PRR16: variants seen among roughly 807,000 people sequenced by gnomAD.
PRR16 encodes protein Largen.
PRR16 carries 6 observed loss-of-function variants against 18.2 expected under a neutral mutation model. The ratio of observed to expected loss-of-function variants is 0.33; its 90% CI spans 0.18 to 0.65. PRR16 has a LOEUF of 0.65. PRR16 is among the 30% of genes least tolerant of loss of function. The pLI, the probability that PRR16 is intolerant of heterozygous loss-of-function variation, is 0.74. For missense variants in PRR16, 412 were observed against 376.6 expected (o/e 1.09, Z -0.78); for synonymous variants, 151 against 147.8 (o/e 1.02, Z -0.16).
chr5:120,688,128 A>G (rs189818091), downstream of PRR16, among the ~76,000 whole-genome samples: 1 of 152,322 alleles, frequency 6.6e-6, no homozygotes, highest in African/African-American at 2.4e-5. Flanking sequence ...GATAGCCTTC[A>G]ATCGTATTTC....
chr5:120,725,302 G>GTT, the PRR16 span, among the ~76,000 whole-genome samples: 26 of 136,130 alleles, frequency 1.9e-4, no homozygotes, highest in South Asian at 1.2e-3. Context: ...ATTTGATGTT[G>GTT]TTTTTTTTTT....
chr5:120,673,702 A>T (rs1756693444), intron 1 of PRR16, among the ~76,000 whole-genome samples: 1 of 152,072 alleles, frequency 6.6e-6, no homozygotes, highest in Admixed American at 6.6e-5. Context: ...ACTTTGGGAG[A>T]ATGAGGTGGG....
chr5:120,704,071 C>T, the PRR16 span, among the ~76,000 whole-genome samples: 1 of 152,100 alleles, frequency 6.6e-6, no homozygotes, highest in Admixed American at 6.5e-5. Context: ...AAAATTCAAA[C>T]ACAGAAGTTA....
At chr5:120,483,119 G>A (rs757410262) in intron 1 of PRR16, among the ~76,000 whole-genome samples, 9 of 152,108 alleles carry the variant, frequency 5.9e-5, no homozygotes, top group Non-Finnish European at 1.3e-4. Flanking sequence ...GCAAGTTGGC[G>A]AGGAGCTCTA....
intron 1 of PRR16, among the ~76,000 whole-genome samples, chr5:120,521,219 A>T (rs1237846961): frequency 6.6e-6 from 1 of 152,156 alleles, no homozygotes; most frequent in Non-Finnish European, 1.5e-5. Context: ...GGCTCGGGAC[A>T]AGATGAGTCC....
the PRR16 span, among the ~76,000 whole-genome samples, chr5:120,754,543 TTATA>T: frequency 2.2e-5 from 2 of 89,396 alleles, no homozygotes; most frequent in Non-Finnish European, 3.9e-5. Context: ...TTATATGTAA[TTATA>T]TATAATATAT....
intron 1 of PRR16, among the ~76,000 whole-genome samples, chr5:120,582,676 G>A (rs928652634): frequency 6.6e-6 from 1 of 151,738 alleles, no homozygotes; most frequent in African/African-American, 2.4e-5. Flanking sequence ...TTTTCTGAAC[G>A]ATTTTTTAAA....
the PRR16 span, among the ~76,000 whole-genome samples, chr5:120,733,422 C>G: frequency 1.3e-5 from 2 of 152,186 alleles, no homozygotes; most frequent in African/African-American, 4.8e-5. Context: ...ATTGTGTATT[C>G]TTTTGTTATA....
chr5:120,559,852 C>T (rs1247570354), intron 1 of PRR16, among the ~76,000 whole-genome samples: 1 of 151,628 alleles, frequency 6.6e-6, no homozygotes, highest in Non-Finnish European at 1.5e-5. Flanking sequence ...TTATAGTTTT[C>T]CTTGTAGAGA....
At chr5:120,490,773 T>A (rs770451886) in intron 1 of PRR16, among the ~76,000 whole-genome samples, 1 of 152,022 alleles carries the variant, frequency 6.6e-6, no homozygotes, top group African/African-American at 2.4e-5. Flanking sequence ...TTTTTCCCCA[T>A]CTTTGTGCTT....
intron 1 of PRR16, among the ~76,000 whole-genome samples, chr5:120,505,005 C>G (rs113197296): frequency 6.6e-6 from 1 of 152,088 alleles, no homozygotes; most frequent in African/African-American, 2.4e-5. Flanking sequence ...GTTCTTCAGG[C>G]TGTTATTTGT....
chr5:120,694,663 C>T, the PRR16 span, among the ~76,000 whole-genome samples: 1 of 140,904 alleles, frequency 7.1e-6, no homozygotes, highest in African/African-American at 2.6e-5. Flanking sequence ...CCAGCCTGGG[C>T]GACAGCGAGA....
chr5:120,489,479 GC>G (rs1462512132), intron 1 of PRR16, among the ~76,000 whole-genome samples: 1 of 152,086 alleles, frequency 6.6e-6, no homozygotes, highest in East Asian at 1.9e-4. Flanking sequence ...TGCAGCCCCT[GC>G]CTTTTTTTGT....
chr5:120,659,123 T>C (rs1756089133), intron 1 of PRR16, among the ~76,000 whole-genome samples: 1 of 152,022 alleles, frequency 6.6e-6, no homozygotes, highest in Non-Finnish European at 1.5e-5. Flanking sequence ...TCATTGGATG[T>C]ACACAATTAT....
chr5:120,780,428 A>G, the PRR16 span, among the ~76,000 whole-genome samples: 1 of 152,168 alleles, frequency 6.6e-6, no homozygotes, highest in African/African-American at 2.4e-5. Context: ...ATTTGTGCCC[A>G]TAACAGGCAG....
intron 1 of PRR16, among the ~76,000 whole-genome samples, chr5:120,556,666 C>A (rs75486028): frequency 0.032 from 4,833 of 151,844 alleles, 96 homozygotes; most frequent in Non-Finnish European, 0.044. Context: ...TGTTTTTATT[C>A]AATTCAGGTA....
At chr5:120,616,901 A>C (rs1754528492) in intron 1 of PRR16, among the ~76,000 whole-genome samples, 1 of 152,230 alleles carries the variant, frequency 6.6e-6, no homozygotes, top group South Asian at 2.1e-4. Context: ...TTTCACATGC[A>C]CTTCCTTCCT....
At chr5:120,723,975 A>G in the PRR16 span, among the ~76,000 whole-genome samples, 1 of 147,800 alleles carries the variant, frequency 6.8e-6, no homozygotes, top group South Asian at 2.2e-4. Flanking sequence ...TATGGCATTA[A>G]AAAAAAAACA....
the PRR16 span, among the ~76,000 whole-genome samples, chr5:120,745,919 G>T: frequency 6.8e-6 from 1 of 146,096 alleles, no homozygotes; most frequent in Non-Finnish European, 1.5e-5. Flanking sequence ...TAGCCAGGCT[G>T]TGAAACTGTC....
Sources: allele counts gnomAD v4.1 joint callset (sites outside exome capture counted in the v4.1 genomes callset), GRCh38; gene constraint gnomAD v4.1.1; transcripts MANE v1.5; gene names NCBI Gene and HGNC (gene_info 2026-07-23, HGNC 2026-07-21).